The following PADI4 variants were observed in gnomAD, a reference collection of about 807,000 sequenced individuals.
The protein encoded by PADI4 is protein-arginine deiminase type-4.
In PADI4, 62 loss-of-function variants were observed where a neutral mutation model predicts 75.0. The observed-to-expected ratio is 0.83, with a 90% CI of 0.67 to 1.02. The LOEUF (loss-of-function observed/expected upper bound fraction) is 1.02. PADI4 is among the 50% of genes least tolerant of loss of function. The pLI is 0.00. For synonymous variants in PADI4, 361 were observed against 348.1 expected (o/e 1.04, Z -0.41); for missense variants, 845 against 850.5 (o/e 0.99, Z 0.08).
intron 15 of PADI4, among the ~76,000 whole-genome samples, chr1:17,359,694 C>G (rs907281449): frequency 6.6e-6 from 1 of 152,208 alleles, no homozygotes; most frequent in Non-Finnish European, 1.5e-5. Context: ...CACACAGGCT[C>G]AAGCCACTCC....
chr1:17,313,248 C>T (rs2073871620), intron 1 of PADI4, among the ~76,000 whole-genome samples: 3 of 151,588 alleles, frequency 2.0e-5, no homozygotes, highest in Admixed American at 2.0e-4. Context: ...GCCTGTAATC[C>T]CAACACTTTG....
At position 17,356,163 on chromosome 1, in the gene PADI4, T is replaced by A. The variant is rs1234074238; in HGVS notation, c.1455+36T>A. The A allele has an allele frequency of 6.2e-7, 1 of 1,605,882 alleles. No individual in the cohort carries two copies. The stretch of plus-strand genomic sequence containing the variant: ...GGGGGCTGCCTCAGGAAGCCATGCC[T>A]CCTTCCTGGGTAGACCCTCTGCCTG... On this transcript the variant is annotated intron_variant, in intron 12 of 15. Coordinates refer to ENST00000375448, the MANE Select transcript of PADI4 (RefSeq NM_012387.3). This position sits in a 1 kb window ranked among gnomAD's most constrained non-coding sequence, Gnocchi z 4.1.
At position 17,351,538 on chromosome 1, in the gene PADI4, G is replaced by A. The variant is rs1054523844; in HGVS notation, c.1156-2995G>A. On this transcript the variant is annotated intron_variant, in intron 10 of 15. Transcript: ENST00000375448. ...GGTGGCAGGACCCTTGAACCCTGAA[G>A]GGTGAGGCTGCAGTGAGCCATGATC... is the stretch of plus-strand genomic sequence containing the variant. 9.9e-5 allele frequency among the ~76,000 whole-genome samples: 15 copies of A among 151,328 alleles called. 1 individual carries two copies. The highest frequency in any genetic ancestry group is 4.2e-4 in the South Asian group (2 of 4,812).
intron 15 of PADI4, among the ~76,000 whole-genome samples, chr1:17,359,954 A>G (rs1350050468): frequency 6.6e-6 from 1 of 152,190 alleles, no homozygotes; most frequent in Non-Finnish European, 1.5e-5. Flanking sequence ...AGCGGGTGCC[A>G]GGTGCTAATC....
At position 17,356,773 on chromosome 1, in the gene PADI4, T is replaced by A. The variant is rs1388337111; in HGVS notation, c.1558+314T>A. The stretch of plus-strand genomic sequence containing the variant: ...CCAAGCAGTAGCATGCAAGTAGGGG[T>A]TGGCTGGGCAAACGGGGCAGGGAAA... On this transcript the variant is annotated intron_variant, in intron 13 of 15. Transcript: ENST00000375448. This position sits in a 1 kb window ranked among gnomAD's most constrained non-coding sequence, Gnocchi z 4.1. 7.0e-6 allele frequency among the ~76,000 whole-genome samples: 1 copy of A among 142,492 alleles called. No individual in the cohort carries two copies. Among genetic ancestry groups the A allele is most frequent in the Admixed American group, 7.6e-5 (1 of 13,224 alleles). The allele number at this position is 142,492 out of a possible 152,430, so 93.5% of individuals were successfully genotyped here.
intron 5 of PADI4, among the ~76,000 whole-genome samples, chr1:17,338,711 C>T (rs893786950): frequency 6.6e-6 from 1 of 152,202 alleles, no homozygotes; most frequent in Non-Finnish European, 1.5e-5. Flanking sequence ...GGTTTAGAGG[C>T]ATGAGGATGG....
At chr1:17,336,692 A>G (rs562988836) in intron 4 of PADI4, among the ~76,000 whole-genome samples, 66 of 152,352 alleles carry the variant, frequency 4.3e-4, no homozygotes, top group African/African-American at 1.4e-3. Flanking sequence ...TGGGATGTGC[A>G]GAAAGGGCAG....
At chr1:17,330,701 CT>C (rs1328583862) in intron 1 of PADI4, among the ~76,000 whole-genome samples, 1 of 152,196 alleles carries the variant, frequency 6.6e-6, no homozygotes, top group East Asian at 1.9e-4. Flanking sequence ...CCTCTTCCAC[CT>C]GTTTTTGTTG....
At chr1:17,342,473 G>A in intron 8 of PADI4, 71 bp downstream of exon 8, 1 of 917,262 alleles carries the variant, frequency 1.1e-6, no homozygotes, top group East Asian at 2.5e-5. Flanking sequence ...AGCACTCACT[G>A]TGTGATGGGA....
Position 17,356,115 on chromosome 1 carries a change from A to G in PADI4, c.1443A>G (p.Ala481=), listed in dbSNP as rs755434619. ...ACGAGTTCCTGAGCTTTGTGCCAGC[A>G]CCCGACAGGAAGGTACAGTCTTGGG... ...HVDEFLSFVP[A]PDRKGFRLLL... is the part of the protein sequence containing the mutation. Residue 481 remains alanine, a synonymous_variant, in exon 12 of 16, where the codon GCA becomes GCG. Transcript: ENST00000375448. This position sits in a 1 kb window ranked among gnomAD's most constrained non-coding sequence, Gnocchi z 4.1. 2.5e-6 allele frequency: 4 copies of G among 1,613,856 alleles called. No homozygotes were observed. In the East Asian group the frequency reaches 8.9e-5, roughly 36 times the overall value.
At chr1:17,320,130 A>G (rs1315636870) in intron 1 of PADI4, among the ~76,000 whole-genome samples, 1 of 152,382 alleles carries the variant, frequency 6.6e-6, no homozygotes, top group East Asian at 1.9e-4. Context: ...TGGAAGCTCC[A>G]GGGGCAAACC....
intron 4 of PADI4, among the ~76,000 whole-genome samples, chr1:17,336,708 C>A (rs78167936): frequency 6.6e-6 from 1 of 152,162 alleles, no homozygotes; most frequent in African/African-American, 2.4e-5. Flanking sequence ...GGCAGGTGAA[C>A]GCTGTCTTAA....
chr1:17,311,337 G>A (rs1010329911), intron 1 of PADI4, among the ~76,000 whole-genome samples: 2 of 151,892 alleles, frequency 1.3e-5, no homozygotes, highest in African/African-American at 4.8e-5. Flanking sequence ...AGCCCACCCT[G>A]CCTCCAAATG....
intron 8 of PADI4, among the ~76,000 whole-genome samples, chr1:17,345,605 T>C (rs1283860147): frequency 1.3e-5 from 2 of 152,344 alleles, no homozygotes; most frequent in African/African-American, 2.4e-5. Context: ...GTTCTCATGA[T>C]AGTGAATAAG....
rs144229156 is a variant in PADI4 at position 17,344,463 on chromosome 1, G to A, written c.936-1565G>A. On this transcript the variant is annotated intron_variant, in intron 8 of 15. Transcript: ENST00000375448. ...AAGGAGATTAATGTTAAGCCACAAG[G>A]CAATGAGGAAAATGTCTCCAGGGCA... Among the ~76,000 whole-genome samples, 1,302 of 152,348 alleles carry A rather than the reference G, an allele frequency of 8.5e-3. 22 individuals are homozygous for A. The highest frequency in any genetic ancestry group is 0.03 in the African/African-American group (1,229 of 41,578).
At chr1:17,320,042 C>CCAGTT (rs1277690358) in intron 1 of PADI4, among the ~76,000 whole-genome samples, 2 of 152,202 alleles carry the variant, frequency 1.3e-5, no homozygotes, top group Non-Finnish European at 2.9e-5. Flanking sequence ...TTATTACTTA[C>CCAGTT]CAGTTTGCAA....
chr1:17,325,727 T>TA (rs397932836), intron 1 of PADI4, among the ~76,000 whole-genome samples: 1 of 148,928 alleles, frequency 6.7e-6, no homozygotes, highest in Non-Finnish European at 1.5e-5. Flanking sequence ...TTTTTTTTTT[T>TA]AAACAGAGTC....
At position 17,331,014 on chromosome 1, in the gene PADI4, AG is replaced by A; in HGVS notation, c.142del (p.Val48TrpfsTer27). ...CGTCCTTCAGCATCAACGCCTCCCCAGGGGTGGTCGTGGATATTGCCCACGG... is the reference window on the plus strand; with the variant it reads ...CGTCCTTCAGCATCAACGCCTCCCCAGGGTGGTCGTGGATATTGCCCACGG... ...CTSFSINASP[G>X]VVVDIAHGPP... On this transcript the variant is annotated frameshift_variant, in exon 2 of 16. Transcript: ENST00000375448. LOFTEE classifies it high-confidence loss of function. The A allele has an allele frequency of 1.2e-6, 2 of 1,604,770 alleles. No individual in the cohort carries two copies. Among genetic ancestry groups the A allele is most frequent in the Non-Finnish European group, 1.7e-6 (2 of 1,175,964 alleles).
At chr1:17,326,226 T>G (rs2100689990) in intron 1 of PADI4, among the ~76,000 whole-genome samples, 1 of 152,340 alleles carries the variant, frequency 6.6e-6, no homozygotes, top group South Asian at 2.1e-4. Flanking sequence ...ACTTTTGGCT[T>G]TATTGATTTG....
Sources: gnomAD v4.1 joint callset for allele counts (sites outside exome capture counted in the v4.1 genomes callset) on GRCh38, gnomAD v4.1.1 for gene constraint, Gnocchi (gnomAD v3.1) non-coding constraint, MANE v1.5 for transcripts, NCBI Gene and HGNC (gene_info 2026-07-23, HGNC 2026-07-21) for gene names.